Variants in COL4A1 observed in about 807,000 individuals in gnomAD.
COL4A1 encodes collagen alpha-1(IV) chain.
In COL4A1, 40 loss-of-function variants were observed where a neutral mutation model predicts 216.6. The observed-to-expected ratio is 0.18, with a 90% CI of 0.14 to 0.24. COL4A1 has a LOEUF of 0.24. Ranked by LOEUF, COL4A1 falls within the 10% of genes least tolerant of loss-of-function variation. The pLI is 1.00. For synonymous variants in COL4A1, 839 were observed against 810.7 expected (o/e 1.03, Z -0.59); for missense variants, 1,628 against 2,196.8 (o/e 0.74, Z 5.18).
intron 2 of COL4A1, among the ~76,000 whole-genome samples, chr13:110,219,000 T>C (rs1880238812): frequency 6.6e-6 from 1 of 152,056 alleles, no homozygotes; most frequent in Non-Finnish European, 1.5e-5. Flanking sequence ...CCAACCACCA[T>C]CAGAAGAGAC....
chr13:110,226,353 G>A (rs1204975407), intron 2 of COL4A1, among the ~76,000 whole-genome samples: 2 of 152,160 alleles, frequency 1.3e-5, no homozygotes, highest in African/African-American at 2.4e-5. Context: ...CTGGGTCTTA[G>A]TAAAGCCACC....
chr13:110,213,641 C>T (rs1016099112), intron 4 of COL4A1, 141 bp downstream of exon 4: 38 of 812,262 alleles, frequency 4.7e-5, no homozygotes, highest in South Asian at 2.5e-4. Context: ...GCCTGCCTCG[C>T]GCCTGCCTGC....
intron 20 of COL4A1, among the ~76,000 whole-genome samples, chr13:110,199,571 A>C (rs1334218128): frequency 6.6e-6 from 1 of 152,212 alleles, no homozygotes; most frequent in African/African-American, 2.4e-5. Context: ...AGGAAAATGA[A>C]GGAACTACCC....
chr13:110,167,109 C>T (rs747077936), intron 44 of COL4A1, 49 bp downstream of exon 44: 16 of 1,502,494 alleles, frequency 1.1e-5, no homozygotes, highest in South Asian at 4.5e-5. Context: ...GCTCTTCACA[C>T]AGCGTCTGCT....
chr13:110,224,302 T>C (rs1880638594), intron 2 of COL4A1, among the ~76,000 whole-genome samples: 1 of 152,194 alleles, frequency 6.6e-6, no homozygotes, highest in African/African-American at 2.4e-5. Context: ...AGGTTAGCTC[T>C]CTTCTGAGTT....
chr13:110,163,425 T>C (rs1877176366), intron 47 of COL4A1, 38 bp downstream of exon 47: 1 of 1,585,518 alleles, frequency 6.3e-7, no homozygotes, highest in Non-Finnish European at 8.7e-7. Flanking sequence ...CCAAAGATCC[T>C]GGTCAAGGGT....
chr13:110,233,754 C>A (rs1881173913), intron 2 of COL4A1, among the ~76,000 whole-genome samples: 1 of 152,166 alleles, frequency 6.6e-6, no homozygotes, highest in Non-Finnish European at 1.5e-5. Context: ...GGCAGACCTC[C>A]CAAGTGAGCC....
Position 110,187,240 on chromosome 13 carries a change from G to C in COL4A1, c.1626C>G (p.Asp542Glu). 1 of 1,613,856 alleles carries C rather than the reference G, an allele frequency of 6.2e-7. No homozygotes were observed. Among genetic ancestry groups the C allele is most frequent in the Non-Finnish European group, 8.5e-7 (1 of 1,179,922 alleles). Reference sequence around the variant, plus strand: ...GTCCTGGAAAGCCTGGGTCTCCTTTGTCACCTTTGAGCCGCAAGTCGAAAT... The same window carrying C: ...GTCCTGGAAAGCCTGGGTCTCCTTTCTCACCTTTGAGCCGCAAGTCGAAAT... ...EFYFDLRLKG[D>E]KGDPGFPGQP... Residue 542 changes from aspartate (D) to glutamate (E), a missense_variant, in exon 25 of 52, where the codon GAC (aspartate) becomes GAG (glutamate). This residue lies in a region of COL4A1 where 701 missense variants were observed against 892.5 expected (regional missense o/e 0.79). Coordinates refer to ENST00000375820, the MANE Select transcript of COL4A1 (RefSeq NM_001845.6).
At chr13:110,294,980 A>T (rs12865767) in intron 1 of COL4A1, among the ~76,000 whole-genome samples, 18,248 of 152,236 alleles carry the variant, frequency 0.12, 1,140 homozygotes, top group South Asian at 0.19. Flanking sequence ...ACATATGTTT[A>T]TATGTATTTA....
rs114487765 is a variant in COL4A1 at position 110,209,271 on chromosome 13, G to A, written c.651+121C>T. 6.1e-3 allele frequency: 4,197 copies of A among 683,598 alleles called. 121 individuals are homozygous for A. The African/African-American group carries it at 0.072, about 12-fold the overall frequency. The allele number at this position is 683,598 out of a possible 1,614,324, so 42.3% of individuals were successfully genotyped here. A position where few individuals can be genotyped will look rare whatever the true frequency, so the allele number is the denominator to read the frequency against. On this transcript the variant is annotated intron_variant, in intron 11 of 51. Coordinates refer to ENST00000375820, the MANE Select transcript of COL4A1 (RefSeq NM_001845.6). ...TGATAGATACTTAAAGGTATAGTTA[G>A]ATATAGTGTTAATTTTCCAACTTTT...
Position 110,207,549 on chromosome 13 carries a change from A to C in COL4A1, c.694-60T>G. ...GAAAACAATTATGCAGACATGAAAAATTGCAGAGAGAGGTAAAAGCCTAAA... is the reference window on the plus strand; with the variant it reads ...GAAAACAATTATGCAGACATGAAAACTTGCAGAGAGAGGTAAAAGCCTAAA... On this transcript the variant is annotated intron_variant, in intron 12 of 51. Coordinates refer to ENST00000375820, the MANE Select transcript of COL4A1 (RefSeq NM_001845.6). This position sits in a 1 kb window ranked among gnomAD's most constrained non-coding sequence, Gnocchi z 4.4. 2 of 1,391,916 alleles carry C rather than the reference A, an allele frequency of 1.4e-6. No individual in the cohort carries two copies. The highest frequency in any genetic ancestry group is 1.2e-5 in the South Asian group (1 of 85,814). The allele number at this position is 1,391,916 out of a possible 1,614,324, so 86.2% of individuals were successfully genotyped here. A position where few individuals can be genotyped will look rare whatever the true frequency, so the allele number is the denominator to read the frequency against.
intron 41 of COL4A1, 30 bp from the exon 42 acceptor site, chr13:110,170,762 G>A (rs753138797): frequency 2.5e-6 from 4 of 1,611,940 alleles, no homozygotes; most frequent in Middle Eastern, 1.7e-4. Context: ...TGAGGTGATG[G>A]GAAACGCAGC....
intron 1 of COL4A1, among the ~76,000 whole-genome samples, chr13:110,281,171 C>T (rs1373060083): frequency 6.6e-6 from 1 of 152,174 alleles, no homozygotes; most frequent in African/African-American, 2.4e-5. Flanking sequence ...CACTCTCTCC[C>T]GTTTTCTTCT....
At chr13:110,209,900 C>A in intron 10 of COL4A1, 80 bp downstream of exon 10, 1 of 1,511,326 alleles carries the variant, frequency 6.6e-7, no homozygotes, top group Non-Finnish European at 9.2e-7. Flanking sequence ...AAAGTTTTTA[C>A]TAAATTATTA....
Position 110,170,551 on chromosome 13 carries a change from C to T in COL4A1, c.3738G>A (p.Leu1246=). The change falls in exon 42 of 52, where the codon CTG becomes CTA. Residue 1246 remains leucine, a synonymous_variant. Transcript: ENST00000375820. ...CCCCTGGCGAGATGCCCTTACCTGG[C>T]AGGCCAGGCTGGCCCTGAGGTCCGC... ...GDRGPQGQPG[L]PGLPGPMGPP... The T allele has an allele frequency of 6.2e-7, 1 of 1,600,330 alleles. No individual in the cohort carries two copies. The highest frequency in any genetic ancestry group is 8.5e-7 in the Non-Finnish European group (1 of 1,173,068).
At chr13:110,169,792 G>C in intron 42 of COL4A1, 30 bp from the exon 43 acceptor site, 1 of 1,613,562 alleles carries the variant, frequency 6.2e-7, no homozygotes, top group Non-Finnish European at 8.5e-7. Flanking sequence ...CCACACATTT[G>C]GGGTTAAATA....
intron 46 of COL4A1, 142 bp from the exon 47 acceptor site, chr13:110,163,703 G>A: frequency 1.2e-6 from 1 of 825,880 alleles, no homozygotes; most frequent in Non-Finnish European, 2.0e-6. Flanking sequence ...CGGACAGCCA[G>A]GAGTTGCTTC....
intron 28 of COL4A1, among the ~76,000 whole-genome samples, chr13:110,182,331 T>C (rs1878204929): frequency 6.6e-6 from 1 of 152,158 alleles, no homozygotes. Flanking sequence ...CCTGGGAGCC[T>C]GGAGGAGATT....
At chr13:110,160,161 G>T (rs1877001082) in intron 49 of COL4A1, among the ~76,000 whole-genome samples, 1 of 149,480 alleles carries the variant, frequency 6.7e-6, no homozygotes, top group Non-Finnish European at 1.5e-5. Context: ...ATTCATAGGG[G>T]GCCGGGCGCG....
Sources: gnomAD v4.1 joint callset for allele counts (sites outside exome capture counted in the v4.1 genomes callset) on GRCh38, gnomAD v4.1.1 for gene constraint, gnomAD v4.1.1 regional missense constraint, Gnocchi (gnomAD v3.1) non-coding constraint, MANE v1.5 for transcripts, NCBI Gene and HGNC (gene_info 2026-07-23, HGNC 2026-07-21) for gene names.